RBPJ: variants seen among roughly 807,000 people sequenced by gnomAD.
The protein encoded by RBPJ is recombining binding protein suppressor of hairless.
In RBPJ, 9 loss-of-function variants were observed where a neutral mutation model predicts 67.8. That is an observed-to-expected ratio of 0.13 (90% CI 0.08 to 0.23). The LOEUF (loss-of-function observed/expected upper bound fraction) is 0.23, where lower values mean the gene tolerates loss of function less well. RBPJ is among the 10% of genes least tolerant of loss of function. The pLI is 1.00. For synonymous variants in RBPJ, 198 were observed against 203.3 expected (o/e 0.97, Z 0.22); for missense variants, 305 against 595.6 (o/e 0.51, Z 5.08).
chr4:26,205,589 A>G (rs1450834739), intron 1 of RBPJ, among the ~76,000 whole-genome samples: 45 of 151,938 alleles, frequency 3.0e-4, no homozygotes, highest in Non-Finnish European at 7.4e-5. Context: ...ATCTAAAAAA[A>G]ATTTTTTTTG....
chr4:26,374,995 T>C (rs549846006), intron 1 of RBPJ, among the ~76,000 whole-genome samples: 10 of 152,158 alleles, frequency 6.6e-5, no homozygotes, highest in African/African-American at 2.4e-4. Context: ...AGGATAATAA[T>C]AACTACCTGG....
intron 1 of RBPJ, among the ~76,000 whole-genome samples, chr4:26,308,376 T>A (rs1722315936): frequency 6.6e-6 from 1 of 152,196 alleles, no homozygotes; most frequent in Non-Finnish European, 1.5e-5. Context: ...TAAAACAAAG[T>A]ATGTACTTAA....
intron 1 of RBPJ, among the ~76,000 whole-genome samples, chr4:26,269,194 G>C (rs1271564147): frequency 6.7e-6 from 1 of 150,110 alleles, no homozygotes; most frequent in Non-Finnish European, 1.5e-5. Flanking sequence ...CCCTCTCCTT[G>C]GCTATTATTT....
At chr4:26,154,209 G>T in the RBPJ span, among the ~76,000 whole-genome samples, 1 of 152,186 alleles carries the variant, frequency 6.6e-6, no homozygotes, top group Non-Finnish European at 1.5e-5. Flanking sequence ...AGTTTGGAAT[G>T]ATAGAGACCT....
In RBPJ at chr4:26,221,147, G is replaced by A. The variant is rs191515105; in HGVS notation, c.-167+57533G>A. 2.4e-3 allele frequency among the ~76,000 whole-genome samples: 361 copies of A among 152,302 alleles called. 1 individual carries two copies. Among genetic ancestry groups the A allele is most frequent in the Non-Finnish European group, 4.0e-3 (274 of 68,024 alleles). ...GTTCCGTCGCCCAGGCTGGAGTGCGGTGGCGCGATCTCGGCTCACTGCAAC... is the reference window on the plus strand; with the variant it reads ...GTTCCGTCGCCCAGGCTGGAGTGCGATGGCGCGATCTCGGCTCACTGCAAC... On this transcript the variant is annotated intron_variant, in intron 1 of 4. Coordinates refer to the RBPJ transcript ENST00000512351.
intron 1 of RBPJ, among the ~76,000 whole-genome samples, chr4:26,234,795 C>T (rs769553756): frequency 2.7e-4 from 41 of 152,018 alleles, no homozygotes; most frequent in Non-Finnish European, 5.1e-4. Flanking sequence ...CTGGTTCAAG[C>T]GATTCTCCTG....
At chr4:26,227,872 C>G (rs1284042404) in intron 1 of RBPJ, among the ~76,000 whole-genome samples, 1 of 152,242 alleles carries the variant, frequency 6.6e-6, no homozygotes, top group Non-Finnish European at 1.5e-5. Context: ...ACTCCTCATT[C>G]CCAAGTGTCC....
chr4:26,286,670 A>T (rs1184416386), intron 1 of RBPJ, among the ~76,000 whole-genome samples: 1 of 152,176 alleles, frequency 6.6e-6, no homozygotes, highest in Admixed American at 6.5e-5. Context: ...AAATTTTTTG[A>T]TTCCATACAG....
At chr4:26,227,669 T>C (rs1392673516) in intron 1 of RBPJ, among the ~76,000 whole-genome samples, 2 of 152,162 alleles carry the variant, frequency 1.3e-5, no homozygotes, top group Non-Finnish European at 2.9e-5. Context: ...AGGCCCAGGG[T>C]ACATGACCAT....
intron 1 of RBPJ, among the ~76,000 whole-genome samples, chr4:26,338,225 G>A (rs1249567937): frequency 1.1e-4 from 16 of 141,952 alleles, no homozygotes; most frequent in African/African-American, 4.3e-4. Context: ...GCGCAATCTC[G>A]GCTCACTGCA....
At chr4:26,225,620 G>T (rs28653121) in intron 1 of RBPJ, among the ~76,000 whole-genome samples, 2 of 152,026 alleles carry the variant, frequency 1.3e-5, no homozygotes, top group Non-Finnish European at 2.9e-5. Flanking sequence ...ATAATAATGC[G>T]TCAATATGGG....
At chr4:26,158,980 TC>T (rs1393598821), upstream of RBPJ, among the ~76,000 whole-genome samples, 4 of 146,832 alleles carry the variant, frequency 2.7e-5, no homozygotes, top group African/African-American at 1.0e-4. Flanking sequence ...TCTCTCTCTC[TC>T]TCAATTTAGT....
intron 4 of RBPJ, among the ~76,000 whole-genome samples, chr4:26,417,157 AG>A (rs2109791420): frequency 6.6e-6 from 1 of 152,346 alleles, no homozygotes; most frequent in Admixed American, 6.5e-5. Flanking sequence ...TGGATCAGAT[AG>A]GTAGTGAGAA....
At chr4:26,166,156 T>C (rs1716286694) in intron 1 of RBPJ, among the ~76,000 whole-genome samples, 1 of 149,000 alleles carries the variant, frequency 6.7e-6, no homozygotes, top group African/African-American at 2.5e-5. Context: ...TTTGCTATTG[T>C]GAATAGTGCC....
chr4:26,238,466 AG>A (rs1371934705), intron 1 of RBPJ, among the ~76,000 whole-genome samples: 2 of 152,196 alleles, frequency 1.3e-5, no homozygotes, highest in Non-Finnish European at 2.9e-5. Flanking sequence ...ATAAAATAGA[AG>A]GAAGTATGGA....
intron 3 of RBPJ, among the ~76,000 whole-genome samples, chr4:26,412,306 C>T (rs982575465): frequency 3.3e-5 from 5 of 152,016 alleles, no homozygotes; most frequent in Non-Finnish European, 7.4e-5. Context: ...TATCTTGGCT[C>T]GCTGCAACCC....
chr4:26,139,140 C>T, the RBPJ span, among the ~76,000 whole-genome samples: 130 of 111,018 alleles, frequency 1.2e-3, 1 homozygote, highest in East Asian at 5.7e-3. Context: ...CACAGGCACA[C>T]GGCCACAGAC....
rs1297810766 is a variant in RBPJ at position 26,250,382 on chromosome 4, AGT to A, written c.-167+86769_-167+86770del. On this transcript the variant is annotated intron_variant, in intron 1 of 4. Coordinates refer to the RBPJ transcript ENST00000512351. ...AGTCTCACTCTGTCACCCAGGCTGT[AGT>A]ACAGTAGCGTGGTCTCGGCTTACTG... Among the ~76,000 whole-genome samples the A allele has an allele frequency of 7.2e-5, 9 of 125,346 alleles. No individual in the cohort carries two copies. The Admixed American group carries it at 8.4e-4, about 12-fold the overall frequency. 82.2% of individuals were successfully genotyped at this position (125,346 alleles called of 152,430 possible). A position where few individuals can be genotyped will look rare whatever the true frequency, so the allele number is the denominator to read the frequency against.
chr4:26,263,334 C>T (rs980906823), intron 1 of RBPJ, among the ~76,000 whole-genome samples: 1 of 134,514 alleles, frequency 7.4e-6, no homozygotes, highest in Non-Finnish European at 1.6e-5. Flanking sequence ...CCCCGTGCAT[C>T]ACTTCCACTT....
Sources: gnomAD v4.1 joint callset for allele counts (sites outside exome capture counted in the v4.1 genomes callset) on GRCh38, gnomAD v4.1.1 for gene constraint, MANE v1.5 for transcripts, NCBI Gene and HGNC (gene_info 2026-07-23, HGNC 2026-07-21) for gene names.